Variants in HTR4 observed in about 807,000 individuals in gnomAD.
HTR4 encodes the protein 5-hydroxytryptamine (serotonin) receptor 4, G protein-coupled.
HTR4 carries 16 observed loss-of-function variants against 36.8 expected under a neutral mutation model. The ratio of observed to expected loss-of-function variants is 0.43; its 90% CI spans 0.29 to 0.66. The LOEUF (loss-of-function observed/expected upper bound fraction) is 0.66. Ranked by LOEUF, HTR4 falls within the 30% of genes least tolerant of loss-of-function variation. The pLI, the probability that HTR4 is intolerant of heterozygous loss-of-function variation, is 0.13. For synonymous variants in HTR4, 189 were observed against 185.1 expected, an observed-to-expected ratio of 1.02 and a Z score of -0.17; for missense variants, 438 against 490.9, an observed-to-expected ratio of 0.89 and a Z score of 1.02.
In HTR4 at chr5:148,610,998, G is replaced by A. The variant is rs1357781399; in HGVS notation, c.26+25991C>T. ...GAGAAAAAAGAATAAAAAGAAATGA[G>A]CAAAGCCTCCAAGAAATATGGGACT... On this transcript the variant is annotated intron_variant, in intron 2 of 6. Coordinates refer to ENST00000377888, the MANE Select transcript of HTR4 (RefSeq NM_000870.7). Among the ~76,000 whole-genome samples, 14 of 150,154 alleles carry A rather than the reference G, an allele frequency of 9.3e-5. No individual in the cohort carries two copies. The East Asian group carries it at 2.4e-3, about 25-fold the overall frequency.
intron 5 of HTR4, among the ~76,000 whole-genome samples, chr5:148,518,666 G>C (rs1347655164): frequency 6.6e-6 from 1 of 152,108 alleles, no homozygotes; most frequent in African/African-American, 2.4e-5. Context: ...TCTGACTCCA[G>C]GCTACCTCTC....
chr5:148,638,044 G>GT (rs34684879), intron 1 of HTR4, among the ~76,000 whole-genome samples: 73,342 of 151,994 alleles, frequency 0.48, 18,294 homozygotes, highest in African/African-American at 0.59. Context: ...CTGGAAATCT[G>GT]TTATCTACAT....
chr5:148,503,867 TA>T (rs1757053021), intron 6 of HTR4, among the ~76,000 whole-genome samples: 1 of 152,084 alleles, frequency 6.6e-6, no homozygotes, highest in African/African-American at 2.4e-5. Context: ...AAACAAACTT[TA>T]AACCAACAAA....
chr5:148,581,959 G>T (rs1372392264), intron 2 of HTR4, among the ~76,000 whole-genome samples: 1 of 151,920 alleles, frequency 6.6e-6, no homozygotes, highest in East Asian at 1.9e-4. Context: ...ATGTATTTTT[G>T]GGAAAAGCAC....
chr5:148,565,597 G>GA (rs397688589), intron 2 of HTR4, among the ~76,000 whole-genome samples: 58 of 151,150 alleles, frequency 3.8e-4, no homozygotes, highest in South Asian at 6.3e-4. Flanking sequence ...ATCTTGATGG[G>GA]CATAAGGATT....
intron 5 of HTR4, among the ~76,000 whole-genome samples, chr5:148,462,742 A>G (rs561225509): frequency 1.3e-5 from 2 of 152,318 alleles, no homozygotes; most frequent in African/African-American, 2.4e-5. Flanking sequence ...TCTTGTGAAC[A>G]TAGATGCAAA....
intron 1 of HTR4, among the ~76,000 whole-genome samples, chr5:148,651,744 T>C (rs1338109995): frequency 6.8e-6 from 1 of 147,846 alleles, no homozygotes; most frequent in Non-Finnish European, 1.5e-5. Context: ...TATTCAATAA[T>C]AATATTGAAT....
At chr5:148,585,181 C>A (rs936617673) in intron 2 of HTR4, among the ~76,000 whole-genome samples, 2 of 152,124 alleles carry the variant, frequency 1.3e-5, no homozygotes, top group African/African-American at 4.8e-5. Context: ...CTTAAAATGG[C>A]ACATTGCAAG....
Position 148,509,744 on chromosome 5 carries a change from A to T in HTR4, c.788T>A (p.Ile263Asn), listed in dbSNP as rs192327488. The T allele has an allele frequency of 1.9e-5, 30 of 1,614,092 alleles. No individual in the cohort carries two copies. The East Asian group carries it at 6.2e-4, about 34-fold the overall frequency. Residue 263 changes from isoleucine (I) to asparagine (N), a missense_variant, in exon 6 of 7, where the codon ATC becomes AAC. Coordinates refer to ENST00000377888, the MANE Select transcript of HTR4 (RefSeq NM_000870.7). Reference sequence around the variant, plus strand: ...GCAGAGGCAGAAGCAACCCATGATGATGCACAGGGTCTTGGCTGCTTTGGT... The same window carrying T: ...GCAGAGGCAGAAGCAACCCATGATGTTGCACAGGGTCTTGGCTGCTTTGGT... ...TETKAAKTLC[I>N]IMGCFCLCWA...
Position 148,482,421 on chromosome 5 carries a change from G to T in HTR4, c.*782C>A. ...CGAGCATCTCAGGGCAGACACGCCA[G>T]CGGCCAGGACACCAGGAGGAAGCTA... On this transcript the variant is annotated 3_prime_UTR_variant, in exon 7 of 7. Transcript: ENST00000377888. The T allele has an allele frequency of 1.0e-6, 1 of 985,690 alleles. No individual in the cohort carries two copies. The highest frequency in any genetic ancestry group is 4.7e-5 in the South Asian group (1 of 21,292). The allele number at this position is 985,690 out of a possible 1,614,324, so 61.1% of individuals were successfully genotyped here. A position where few individuals can be genotyped will look rare whatever the true frequency, so the allele number is the denominator to read the frequency against.
At chr5:148,488,224 G>A (rs1421003226) in intron 6 of HTR4, among the ~76,000 whole-genome samples, 2 of 152,166 alleles carry the variant, frequency 1.3e-5, no homozygotes, top group African/African-American at 2.4e-5. Flanking sequence ...CATAGGATGT[G>A]TTCTGTGAGT....
intron 6 of HTR4, among the ~76,000 whole-genome samples, chr5:148,507,601 A>G (rs1757287559): frequency 1.3e-5 from 2 of 152,082 alleles, no homozygotes; most frequent in African/African-American, 2.4e-5. Flanking sequence ...AAATTTATGG[A>G]AGAAAATATG....
At chr5:148,496,222 A>C (rs773299069) in intron 6 of HTR4, among the ~76,000 whole-genome samples, 9 of 152,180 alleles carry the variant, frequency 5.9e-5, no homozygotes, top group Non-Finnish European at 1.0e-4. Context: ...CCATGGCTCT[A>C]AACCGTTAAT....
chr5:148,592,999 T>C (rs1761630822), intron 2 of HTR4, among the ~76,000 whole-genome samples: 1 of 152,210 alleles, frequency 6.6e-6, no homozygotes, highest in Non-Finnish European at 1.5e-5. Flanking sequence ...TAATGTCTCA[T>C]GGCTGTCTTA....
intron 4 of HTR4, among the ~76,000 whole-genome samples, chr5:148,535,506 C>G (rs960721648): frequency 1.1e-4 from 17 of 152,072 alleles, no homozygotes; most frequent in Admixed American, 2.0e-4. Context: ...GATACAGAAG[C>G]TGAAGGATGA....
chr5:148,470,792 G>A (rs1399994023), intron 5 of HTR4, among the ~76,000 whole-genome samples: 7 of 152,064 alleles, frequency 4.6e-5, no homozygotes, highest in Admixed American at 2.6e-4. Context: ...AGATTCAAGC[G>A]ATTTTCCTGC....
At chr5:148,573,448 A>G (rs1760759795) in intron 2 of HTR4, among the ~76,000 whole-genome samples, 1 of 152,106 alleles carries the variant, frequency 6.6e-6, no homozygotes, top group Non-Finnish European at 1.5e-5. Flanking sequence ...AGTGGTCACC[A>G]TCTCAAATGT....
intron 6 of HTR4, among the ~76,000 whole-genome samples, chr5:148,484,680 T>C (rs181424979): frequency 2.0e-5 from 3 of 152,306 alleles, no homozygotes; most frequent in Admixed American, 2.0e-4. Context: ...TTCTTTCCAG[T>C]TGGAAGTCTA....
chr5:148,620,758 G>T (rs1752885407), intron 2 of HTR4, among the ~76,000 whole-genome samples: 2 of 152,110 alleles, frequency 1.3e-5, no homozygotes, highest in Non-Finnish European at 2.9e-5. Flanking sequence ...TGGACAACCT[G>T]CTCTGTAAAG....
Sources: allele counts gnomAD v4.1 joint callset (sites outside exome capture counted in the v4.1 genomes callset), GRCh38; gene constraint gnomAD v4.1.1; transcripts MANE v1.5; gene names NCBI Gene and HGNC (gene_info 2026-07-23, HGNC 2026-07-21).